The following CD93 variants were observed in gnomAD, a reference collection of about 807,000 sequenced individuals.
The protein encoded by CD93 is complement component C1q receptor.
Under a neutral mutation model 45.5 loss-of-function variants are expected in CD93, and 44 were observed. That is an observed-to-expected ratio of 0.97 (90% CI 0.76 to 1.24). CD93 has a LOEUF of 1.24. Among genes scored for constraint, CD93 ranks in the 50% most tolerant of loss-of-function variants. The pLI, the probability that CD93 is intolerant of heterozygous loss-of-function variation, is 0.00. For synonymous variants in CD93, 431 were observed against 370.8 expected, an observed-to-expected ratio of 1.16 and a Z score of -1.87; for missense variants, 918 against 844.5, an observed-to-expected ratio of 1.09 and a Z score of -1.08.
Position 23,085,299 on chromosome 20 carries a change from C to G in CD93, c.894G>C (p.Val298=). The G allele has an allele frequency of 6.2e-7, 1 of 1,614,008 alleles. No individual in the cohort carries two copies. Among genetic ancestry groups the G allele is most frequent in the African/African-American group, 1.3e-5 (1 of 75,054 alleles). The change falls in exon 1 of 2, where the codon GTG becomes GTC. Residue 298 remains valine (V), a synonymous_variant. Transcript: ENST00000246006. ...TGCAAGGGTTTCGAGAGGCACAGGT[C>G]ACCAGGTCATCCAGCAGCCGGAATC... is the stretch of plus-strand genomic sequence containing the variant. ...RPGFRLLDDL[V]TCASRNPCSS...
In CD93 at chr20:23,086,144, G is replaced by A. The variant is rs1169318937; in HGVS notation, c.49C>T (p.Gln17Ter). The change falls in exon 1 of 2, where the codon CAG (glutamine) becomes TAG (stop). Residue 17 changes from glutamine (Q) to a stop codon, truncating the protein, a stop_gained. Coordinates refer to ENST00000246006, the MANE Select transcript of CD93 (RefSeq NM_012072.4). LOFTEE classifies it high-confidence loss of function. ...TCAGCTCCCGTCCCCGCCCCGGGCT[G>A]GGTCAGGAGCAGCAGCAGCAGCAGC... ...LLLLLLLLLT[Q>*]PGAGTGADTE... The A allele has an allele frequency of 6.3e-7, 1 of 1,576,992 alleles. No individual in the cohort carries two copies. The highest frequency in any genetic ancestry group is 2.3e-5 in the East Asian group (1 of 43,756).
Position 23,085,532 on chromosome 20 carries a change from C to T in CD93, c.661G>A (p.Ala221Thr). Residue 221 changes from alanine (A) to threonine (T), a missense_variant, in exon 1 of 2, where the codon GCC becomes ACC. By Grantham distance (58) the Ala-to-Thr change is moderately conservative. Coordinates refer to ENST00000246006, the MANE Select transcript of CD93 (RefSeq NM_012072.4). The part of the protein sequence containing the change: ...SLEAVPFASA[A>T]NVACGEGDKD... Reference sequence around the variant, plus strand: ...TCACCTTCCCCACAGGCTACATTGGCCGCAGAGGCAAAGGGCACAGCCTCC... The same window carrying T: ...TCACCTTCCCCACAGGCTACATTGGTCGCAGAGGCAAAGGGCACAGCCTCC... 2 of 1,613,932 alleles carry T rather than the reference C, an allele frequency of 1.2e-6. No individual in the cohort carries two copies. Among genetic ancestry groups the T allele is most frequent in the Non-Finnish European group, 8.5e-7 (1 of 1,180,040 alleles).
rs1482893780 is a variant in CD93, at chr20:23,080,503, T to C, written c.*3447A>G. 2 of 152,234 alleles carry C rather than the reference T, an allele frequency of 1.3e-5. No individual in the cohort carries two copies. The highest frequency in any genetic ancestry group is 2.9e-5 in the Non-Finnish European group (2 of 68,036). The allele number at this position is 152,234 out of a possible 1,614,324, so 9.4% of individuals were successfully genotyped here. A position where few individuals can be genotyped will look rare whatever the true frequency, so the allele number is the denominator to read the frequency against. On this transcript the variant is annotated 3_prime_UTR_variant, in exon 2 of 2. Coordinates refer to ENST00000246006, the MANE Select transcript of CD93 (RefSeq NM_012072.4). ...GCATATAAAGGTTTGACTTTTTAAT[T>C]CCACTTTTTTGCCTGATCGCAGGGA...
In CD93 at chr20:23,084,301, A is replaced by G. The variant is rs746032957; in HGVS notation, c.1892T>C (p.Val631Ala). 6.2e-7 allele frequency: 1 copy of G among 1,614,080 alleles called. No individual in the cohort carries two copies. Among genetic ancestry groups the G allele is most frequent in the Non-Finnish European group, 8.5e-7 (1 of 1,180,014 alleles). The stretch of plus-strand genomic sequence containing the variant: ...GGCCCTGCTCTCAGCTCGCTCTGGA[A>G]CCCAGGAGTAACTGTCTGCCGCATT... ...PQNAADSYSW[V>A]PERAESRAME... Residue 631 changes from valine (V) to alanine (A), a missense_variant, in exon 1 of 2, where the codon GTT becomes GCT. Val to Ala is a moderately conservative substitution (Grantham distance 64, BLOSUM62 0). Coordinates refer to ENST00000246006, the MANE Select transcript of CD93 (RefSeq NM_012072.4).
rs189654785 is a variant in CD93, at chr20:23,085,180, G to C, written c.1013C>G (p.Ser338Trp). Residue 338 changes from serine to tryptophan, a missense_variant, in exon 1 of 2, where the codon TCG becomes TGG. Transcript: ENST00000246006. ...CACGTCCACACAGTCCAGCTGACTC[G>C]AGTCCAGCTGGTACCCTTGGGGGCA... is the stretch of plus-strand genomic sequence containing the variant. ...CRCPQGYQLD[S>W]SQLDCVDVDE... 3.1e-5 allele frequency: 49 copies of C among 1,586,556 alleles called. No homozygotes were observed. In the East Asian group the frequency reaches 9.8e-4, roughly 32 times the overall value.
Position 23,084,606 on chromosome 20 carries a change from A to G in CD93, c.1587T>C (p.Ser529=), listed in dbSNP as rs1232728253. ...TGGGGGCCAGCATCTTGAGTGGGGC[A>G]GATGTGATGGGGGCGTCAGATGACA... ...PSLSSDAPIT[S]APLKMLAPSG... is the part of the protein sequence containing the mutation. Residue 529 remains serine (S), a synonymous_variant, in exon 1 of 2, where the codon TCT becomes TCC. Coordinates refer to ENST00000246006, the MANE Select transcript of CD93 (RefSeq NM_012072.4). The G allele has an allele frequency of 1.6e-5, 26 of 1,611,178 alleles. No homozygotes were observed. The highest frequency in any genetic ancestry group is 2.7e-5 in the African/African-American group (2 of 74,866).
intron 1 of CD93, 49 bp from the exon 2 acceptor site, chr20:23,084,023 C>T: frequency 6.2e-7 from 1 of 1,609,128 alleles, no homozygotes; most frequent in Non-Finnish European, 8.5e-7. Context: ...GCCTCTGTGC[C>T]TGCACGTCCC....
rs1457919500 is a variant in CD93 at position 23,085,986 on chromosome 20, G to A, written c.207C>T (p.Ala69=). The A allele has an allele frequency of 6.2e-7, 1 of 1,610,832 alleles. No homozygotes were observed. The highest frequency in any genetic ancestry group is 1.3e-5 in the African/African-American group (1 of 74,840). Reference sequence around the variant, plus strand: ...GGGCCAGTACTCGCTGGACGTGCTGGGCCTCCTCCTTGCTCTTCACAGTGG... The same window carrying A: ...GGGCCAGTACTCGCTGGACGTGCTGAGCCTCCTCCTTGCTCTTCACAGTGG... ...NLATVKSKEE[A]QHVQRVLAQL... Residue 69 remains alanine, a synonymous_variant, in exon 1 of 2, where the codon GCC becomes GCT. Transcript: ENST00000246006.
chr20:23,084,072 A>G (rs1985400349), intron 1 of CD93, 98 bp from the exon 2 acceptor site: 1 of 1,487,284 alleles, frequency 6.7e-7, no homozygotes. Context: ...CGTGCTGCAG[A>G]TGGGCAGTAT....
In CD93 at chr20:23,081,178, A is replaced by G. The variant is rs1282869440; in HGVS notation, c.*2772T>C. The G allele has an allele frequency of 6.6e-6, 1 of 152,128 alleles. No homozygotes were observed. Among genetic ancestry groups the G allele is most frequent in the Non-Finnish European group, 1.5e-5 (1 of 68,052 alleles). The allele number at this position is 152,128 out of a possible 1,614,324, so 9.4% of individuals were successfully genotyped here. A position where few individuals can be genotyped will look rare whatever the true frequency, so the allele number is the denominator to read the frequency against. ...GTCTTGGTGTCCATCTCCAAGTGAAAACTTCCCCCGTCCCCATGGCCCTGG... is the reference window on the plus strand; with the variant it reads ...GTCTTGGTGTCCATCTCCAAGTGAAGACTTCCCCCGTCCCCATGGCCCTGG... On this transcript the variant is annotated 3_prime_UTR_variant, in exon 2 of 2. Coordinates refer to ENST00000246006, the MANE Select transcript of CD93 (RefSeq NM_012072.4).
In CD93 at chr20:23,079,498, C is replaced by T. The variant is rs180801250; in HGVS notation, c.*4452G>A. 124 of 152,314 alleles carry T rather than the reference C, an allele frequency of 8.1e-4. 1 individual carries two copies. The highest frequency in any genetic ancestry group is 2.9e-3 in the African/African-American group (122 of 41,580). 9.4% of individuals were successfully genotyped at this position (152,314 alleles called of 1,614,324 possible). A position where few individuals can be genotyped will look rare whatever the true frequency, so the allele number is the denominator to read the frequency against. ...AAGCTCGATCTCTGAGCCTTCCCTC[C>T]TCACAGTTTGGGAAACATGCACAGG... On this transcript the variant is annotated 3_prime_UTR_variant, in exon 2 of 2. Coordinates refer to ENST00000246006, the MANE Select transcript of CD93 (RefSeq NM_012072.4).
chr20:23,084,711 C>A lies in CD93; in HGVS notation c.1482G>T (p.Val494=), dbSNP rs1469205343. Residue 494 remains valine (V), a synonymous_variant, in exon 1 of 2, where the codon GTG becomes GTT. Transcript: ENST00000246006. ...EDKGEKEGST[V]PRAATASPTR... ...TGGGACTGGCTGTTGCAGCACGGGGCACGGTGCTCCCTTCTTTCTCTCCTT... is the reference window on the plus strand; with the variant it reads ...TGGGACTGGCTGTTGCAGCACGGGGAACGGTGCTCCCTTCTTTCTCTCCTT... 2 of 1,593,726 alleles carry A rather than the reference C, an allele frequency of 1.3e-6. No individual in the cohort carries two copies. Among genetic ancestry groups the A allele is most frequent in the Admixed American group, 3.5e-5 (2 of 57,248 alleles).
In CD93 at chr20:23,084,793, C is replaced by A; in HGVS notation, c.1400G>T (p.Cys467Phe). The A allele has an allele frequency of 6.2e-7, 1 of 1,613,246 alleles. No homozygotes were observed. The highest frequency in any genetic ancestry group is 1.1e-5 in the South Asian group (1 of 91,064). The change falls in exon 1 of 2, where the codon TGC (cysteine) becomes TTC (phenylalanine). Residue 467 changes from cysteine (C) to phenylalanine (F), a missense_variant. Physicochemically the swap from Cys to Phe is radical, Grantham distance 205 (BLOSUM62 -2). Coordinates refer to ENST00000246006, the MANE Select transcript of CD93 (RefSeq NM_012072.4). The stretch of plus-strand genomic sequence containing the variant: ...TCCCAGAGACACAGGCCCCATGGTG[C>A]AAGAGACCCCATTTGGGGCCAGCAC... Reference protein sequence around the residue: ...GWVLAPNGVSCTMGPVSLGPP... With the variant: ...GWVLAPNGVSFTMGPVSLGPP...
At position 23,080,236 on chromosome 20, in the gene CD93, A is replaced by AT. The variant is rs1985290373; in HGVS notation, c.*3713dup. 1.3e-5 allele frequency: 2 copies of AT among 152,588 alleles called. No homozygotes were observed. Among genetic ancestry groups the AT allele is most frequent in the Non-Finnish European group, 2.9e-5 (2 of 68,022 alleles). The allele number at this position is 152,588 out of a possible 1,614,324, so 9.5% of individuals were successfully genotyped here. On this transcript the variant is annotated 3_prime_UTR_variant, in exon 2 of 2. Transcript: ENST00000246006. ...ATGTTAGTTTTAAAAAGACTGTGTTATTTTTAATTCAATTTTTTTTTGTCA... is the reference window on the plus strand; with the variant it reads ...ATGTTAGTTTTAAAAAGACTGTGTTATTTTTTAATTCAATTTTTTTTTGTCA...
Position 23,085,842 on chromosome 20 carries a change from C to CCCCCCCCCCAAA in CD93, c.350_351insTTTGGGGGGGGG (p.Val117_Gly118insLeuGlyGlyGly). On this transcript the variant is annotated inframe_insertion, in exon 1 of 2. Transcript: ENST00000246006. ...AGTAAGGCGTGTCCTCCCCCCCGCC[C>CCCCCCCCCCAAA]ACCCAGCTGAAGCCCTTCAGCGGCA... 1.3e-6 allele frequency: 2 copies of CCCCCCCCCCAAA among 1,592,236 alleles called. No homozygotes were observed. Among genetic ancestry groups the CCCCCCCCCCAAA allele is most frequent in the Non-Finnish European group, 8.5e-7 (1 of 1,169,888 alleles).
Position 23,084,797 on chromosome 20 carries a change from A to T in CD93, c.1396T>A (p.Ser466Thr). Residue 466 changes from serine to threonine, a missense_variant, in exon 1 of 2, where the codon TCT becomes ACT. Ser to Thr is a moderately conservative substitution (Grantham distance 58, BLOSUM62 1). Transcript: ENST00000246006. ...AGAGACACAGGCCCCATGGTGCAAG[A>T]GACCCCATTTGGGGCCAGCACCCAG... The part of the protein sequence containing the change: ...PGWVLAPNGV[S>T]CTMGPVSLGP... 1.2e-6 allele frequency: 2 copies of T among 1,613,284 alleles called. No individual in the cohort carries two copies. The highest frequency in any genetic ancestry group is 1.7e-6 in the Non-Finnish European group (2 of 1,179,976).
At position 23,084,886 on chromosome 20, in the gene CD93, C is replaced by T. The variant is rs748218428; in HGVS notation, c.1307G>A (p.Gly436Asp). 10 of 1,611,456 alleles carry T rather than the reference C, an allele frequency of 6.2e-6. No homozygotes were observed. Among genetic ancestry groups the T allele is most frequent in the African/African-American group, 1.3e-5 (1 of 74,856 alleles). The change falls in exon 1 of 2, where the codon GGC becomes GAC. Residue 436 changes from glycine (G) to aspartate (D), a missense_variant. Transcript: ENST00000246006. ...QDVDECVGPG[G>D]PLCDSLCFNT... ...GAAGCACAAGCTGTCGCAGAGGGGG[C>T]CCCCCGGGCCCACACACTCATCCAC...
In CD93 at chr20:23,085,596, C is replaced by T. The variant is rs781369915; in HGVS notation, c.597G>A (p.Val199=). ...TGGTCTGGAAGGGGGTGGTGTAGGT[C>T]ACCTGACCTGGGCCCCCCAGGGCCA... The part of the protein sequence containing the change: ...RPLALGGPGQ[V]TYTTPFQTTS... Residue 199 remains valine (V), a synonymous_variant, in exon 1 of 2, where the codon GTG becomes GTA. Transcript: ENST00000246006. The T allele has an allele frequency of 6.2e-7, 1 of 1,613,684 alleles. No individual in the cohort carries two copies. The highest frequency in any genetic ancestry group is 1.1e-5 in the South Asian group (1 of 91,092).
In CD93 at chr20:23,085,141, T is replaced by A; in HGVS notation, c.1052A>T (p.Asp351Val). The A allele has an allele frequency of 1.9e-6, 3 of 1,580,418 alleles. No individual in the cohort carries two copies. Among genetic ancestry groups the A allele is most frequent in the Non-Finnish European group, 2.6e-6 (3 of 1,161,782 alleles). ...LDCVDVDECQDSPCAQECVNT... is the reference protein window; with the variant it reads ...LDCVDVDECQVSPCAQECVNT... ...GACACACTCCTGGGCACAGGGGGAG[T>A]CCTGGCATTCATCCACGTCCACACA... The change falls in exon 1 of 2, where the codon GAC (aspartate) becomes GTC (valine). Residue 351 changes from aspartate (D) to valine (V), a missense_variant. Asp to Val is a radical substitution (Grantham distance 152). Transcript: ENST00000246006.
Sources: allele counts gnomAD v4.1 joint callset, GRCh38; gene constraint gnomAD v4.1.1; transcripts MANE v1.5; gene names NCBI Gene and HGNC (gene_info 2026-07-23, HGNC 2026-07-21).